The following ANO5 variants were observed in gnomAD, a reference collection of about 807,000 sequenced individuals.
The protein encoded by ANO5 is anoctamin-5.
ANO5 carries 109 observed loss-of-function variants against 121.0 expected under a neutral mutation model. The observed-to-expected ratio is 0.90, with a 90% CI of 0.77 to 1.06. The LOEUF is 1.06. Ranked by LOEUF, ANO5 falls within the 50% of genes least tolerant of loss-of-function variation. The pLI is 0.00. For missense variants in ANO5, 1,064 were observed against 1,078.5 expected, an observed-to-expected ratio of 0.99 and a Z score of 0.19; for synonymous variants, 406 against 359.9, an observed-to-expected ratio of 1.13 and a Z score of -1.45.
intron 9 of ANO5, among the ~76,000 whole-genome samples, chr11:22,240,267 G>A (rs536062917): frequency 3.3e-5 from 5 of 152,038 alleles, no homozygotes; most frequent in Non-Finnish European, 5.9e-5. Flanking sequence ...GAAGACTATG[G>A]TTGCAGGTTA....
intron 17 of ANO5, among the ~76,000 whole-genome samples, chr11:22,268,991 G>A (rs776757119): frequency 5.9e-5 from 9 of 151,820 alleles, no homozygotes; most frequent in South Asian, 2.1e-4. Flanking sequence ...GTGGCAGAGT[G>A]AGACCCTGTC....
rs986331169 is a variant in ANO5 at position 22,239,551 on chromosome 11, C to T, written c.763-18C>T. ...TTTTGCTTCGTCTTTTATGTACCCT[C>T]CTCTTGAATATCTGCAGGGCCAATA... On this transcript the variant is annotated intron_variant, in intron 8 of 21. Coordinates refer to ENST00000324559, the MANE Select transcript of ANO5 (RefSeq NM_213599.3). 1 of 1,556,974 alleles carries T rather than the reference C, an allele frequency of 6.4e-7. No individual in the cohort carries two copies. The highest frequency in any genetic ancestry group is 8.9e-7 in the Non-Finnish European group (1 of 1,128,390).
At chr11:22,263,913 G>A (rs1854276022) in intron 17 of ANO5, among the ~76,000 whole-genome samples, 1 of 151,798 alleles carries the variant, frequency 6.6e-6, no homozygotes, top group Non-Finnish European at 1.5e-5. Context: ...TCTATTTCAA[G>A]TACTAACAAA....
intron 7 of ANO5, among the ~76,000 whole-genome samples, chr11:22,229,184 C>T (rs1852952096): frequency 6.6e-6 from 1 of 151,992 alleles, no homozygotes. Flanking sequence ...CTCTCCAACA[C>T]TTGTTATCTT....
At chr11:22,221,930 T>C (rs1045712318) in intron 5 of ANO5, among the ~76,000 whole-genome samples, 2 of 151,992 alleles carry the variant, frequency 1.3e-5, no homozygotes, top group African/African-American at 4.8e-5. Flanking sequence ...TCCATACATA[T>C]ACAGGTCTGT....
At chr11:22,250,484 A>G in intron 10 of ANO5, 113 bp downstream of exon 10, 1 of 1,434,048 alleles carries the variant, frequency 7.0e-7, no homozygotes. Context: ...ATAGCAGCAG[A>G]TAATCGATAT....
chr11:22,209,653 C>T (rs562269627), intron 2 of ANO5, among the ~76,000 whole-genome samples: 21 of 151,920 alleles, frequency 1.4e-4, no homozygotes, highest in African/African-American at 4.6e-4. Flanking sequence ...CAAGGATTCT[C>T]GTTTTGCCTA....
intron 9 of ANO5, among the ~76,000 whole-genome samples, chr11:22,241,489 G>C (rs1337121300): frequency 1.3e-5 from 2 of 152,046 alleles, no homozygotes; most frequent in African/African-American, 4.8e-5. Flanking sequence ...CACAGCAGCT[G>C]AATTAATTTT....
At position 22,259,725 on chromosome 11, in the gene ANO5, C is replaced by T; in HGVS notation, c.1614C>T (p.Ala538=). 1 of 1,612,954 alleles carries T rather than the reference C, an allele frequency of 6.2e-7. No homozygotes were observed. The highest frequency in any genetic ancestry group is 8.5e-7 in the Non-Finnish European group (1 of 1,179,156). ...ATTTCTTTTATGAAAAGATATCTGC[C>T]TGGATCACAAAAATGGGTAAGCTGG... ...ILNFFYEKIS[A]WITKMEIPRT... is the part of the protein sequence containing the mutation. The change falls in exon 15 of 22, where the codon GCC becomes GCT. Residue 538 remains alanine, a synonymous_variant. Transcript: ENST00000324559.
chr11:22,270,363 G>A lies in ANO5; in HGVS notation c.1950G>A (p.Lys650=), dbSNP rs1164278766. The A allele has an allele frequency of 6.2e-7, 1 of 1,614,032 alleles. No individual in the cohort carries two copies. Among genetic ancestry groups the A allele is most frequent in the African/African-American group, 1.3e-5 (1 of 74,926 alleles). The change falls in exon 18 of 22, where the codon AAG becomes AAA. Residue 650 remains lysine (K), a synonymous_variant. Transcript: ENST00000324559. The part of the protein sequence containing the change: ...RRRKARTNSE[K]LYSRWEQDHD... ...GAAAAGCTCGGACAAACTCTGAGAAGCTGTATAGTCGATGGGAGCAGGATC... is the reference window on the plus strand; with the variant it reads ...GAAAAGCTCGGACAAACTCTGAGAAACTGTATAGTCGATGGGAGCAGGATC...
In ANO5 at chr11:22,280,223, C is replaced by A. The variant is rs1855032028; in HGVS notation, c.*458C>A. On this transcript the variant is annotated 3_prime_UTR_variant, in exon 22 of 22. Transcript: ENST00000324559. Reference sequence around the variant, plus strand: ...AAGAGACTGACTGAGCCCTATATATCCTATCATTTTAAAATATGCAAATGA... The same window carrying A: ...AAGAGACTGACTGAGCCCTATATATACTATCATTTTAAAATATGCAAATGA... The A allele has an allele frequency of 6.2e-6, 1 of 161,300 alleles. No individual in the cohort carries two copies. The highest frequency in any genetic ancestry group is 1.4e-5 in the Non-Finnish European group (1 of 73,938). The allele number at this position is 161,300 out of a possible 1,614,324, so 10.0% of individuals were successfully genotyped here. A position where few individuals can be genotyped will look rare whatever the true frequency, so the allele number is the denominator to read the frequency against.
In ANO5 at chr11:22,259,750, G is replaced by T; in HGVS notation, c.1630+9G>T. ...CTGGATCACAAAAATGGGTAAGCTG[G>T]CCAAATCATTTGTGTGATTCTGAAG... is the stretch of plus-strand genomic sequence containing the variant. On this transcript the variant is annotated intron_variant, in intron 15 of 21. Coordinates refer to ENST00000324559, the MANE Select transcript of ANO5 (RefSeq NM_213599.3). 6.3e-7 allele frequency: 1 copy of T among 1,596,844 alleles called. No homozygotes were observed. Among genetic ancestry groups the T allele is most frequent in the South Asian group, 1.1e-5 (1 of 90,654 alleles).
intron 9 of ANO5, among the ~76,000 whole-genome samples, chr11:22,245,821 T>G (rs1853596765): frequency 2.0e-5 from 3 of 152,190 alleles, no homozygotes; most frequent in Non-Finnish European, 2.9e-5. Context: ...GCCTGTGTTT[T>G]GACTGTGGCT....
chr11:22,234,756 G>C (rs905723762), intron 7 of ANO5, among the ~76,000 whole-genome samples: 5 of 152,030 alleles, frequency 3.3e-5, no homozygotes, highest in East Asian at 1.9e-4. Context: ...GTTATTAACA[G>C]TTTCTGGTAA....
intron 3 of ANO5, among the ~76,000 whole-genome samples, chr11:22,213,652 A>G (rs937138870): frequency 3.3e-5 from 5 of 151,512 alleles, no homozygotes; most frequent in African/African-American, 1.2e-4. Flanking sequence ...CCATACTGCA[A>G]TCTTCAGATG....
intron 6 of ANO5, 44 bp from the exon 7 acceptor site, chr11:22,227,258 C>T (rs564708909): frequency 1.9e-6 from 3 of 1,605,840 alleles, no homozygotes; most frequent in African/African-American, 2.7e-5. Flanking sequence ...CAATAACAAA[C>T]TGATCAGTAA....
rs147783365 is a variant in ANO5, at chr11:22,258,566, G to A, written c.1407+812G>A. Reference sequence around the variant, plus strand: ...GCCATCTTTGTGCTTTTGCAATATGGGAAGTATACAAAATTTATACAGAAT... The same window carrying A: ...GCCATCTTTGTGCTTTTGCAATATGAGAAGTATACAAAATTTATACAGAAT... On this transcript the variant is annotated intron_variant, in intron 14 of 21. Transcript: ENST00000324559. 9.3e-3 allele frequency among the ~76,000 whole-genome samples: 1,414 copies of A among 152,068 alleles called. 22 individuals are homozygous for A. The highest frequency in any genetic ancestry group is 0.032 in the African/African-American group (1,341 of 41,472).
chr11:22,250,466 G>A (rs1853773614), intron 10 of ANO5, 95 bp downstream of exon 10: 4 of 1,521,900 alleles, frequency 2.6e-6, no homozygotes, highest in Admixed American at 1.8e-5. Flanking sequence ...CCTTCAGAAT[G>A]TTTCCTTATA....
At chr11:22,245,745 A>T (rs1235516561) in intron 9 of ANO5, among the ~76,000 whole-genome samples, 1 of 152,118 alleles carries the variant, frequency 6.6e-6, no homozygotes, top group Non-Finnish European at 1.5e-5. Flanking sequence ...AGTCCATCAC[A>T]CATTCTCAAT....
Sources: gnomAD v4.1 joint callset for allele counts (sites outside exome capture counted in the v4.1 genomes callset) on GRCh38, gnomAD v4.1.1 for gene constraint, MANE v1.5 for transcripts, NCBI Gene and HGNC (gene_info 2026-07-23, HGNC 2026-07-21) for gene names.